Variants in KIF22 observed in about 807,000 individuals in gnomAD.
The protein encoded by KIF22 is kinesin family member 22.
KIF22 carries 62 observed loss-of-function variants against 73.0 expected under a neutral mutation model. The ratio of observed to expected loss-of-function variants is 0.85; its 90% CI spans 0.69 to 1.05. The LOEUF is 1.05. Ranked by LOEUF, KIF22 falls within the 50% of genes least tolerant of loss-of-function variation. KIF22 has a pLI of 0.00. For synonymous variants in KIF22, 411 were observed against 340.1 expected, an observed-to-expected ratio of 1.21 and a Z score of -2.29; for missense variants, 854 against 870.1, an observed-to-expected ratio of 0.98 and a Z score of 0.23.
chr16:29,799,260 C>G lies in KIF22; in HGVS notation c.760-4C>G, dbSNP rs1228053012. ...AAGCACGAGACCTTTGTTCTTACCC[C>G]CAGGTGGACCAGCGGGAACGTTTGG... On this transcript the variant is annotated splice_polypyrimidine_tract_variant and splice_region_variant and intron_variant, in intron 5 of 13. Coordinates refer to ENST00000160827, the MANE Select transcript of KIF22 (RefSeq NM_007317.3). The G allele has an allele frequency of 1.2e-6, 2 of 1,613,026 alleles. No individual in the cohort carries two copies. The highest frequency in any genetic ancestry group is 1.7e-6 in the Non-Finnish European group (2 of 1,179,490).
intron 1 of KIF22, chr16:29,791,234 A>T: frequency 2.8e-6 from 3 of 1,067,090 alleles, no homozygotes; most frequent in Non-Finnish European, 3.4e-6. Context: ...GTGTATTGGG[A>T]AGGGTTCTGT....
chr16:29,798,107 A>G lies in KIF22; in HGVS notation c.267-267A>G, dbSNP rs925811637. On this transcript the variant is annotated intron_variant, in intron 2 of 13. Coordinates refer to ENST00000160827, the MANE Select transcript of KIF22 (RefSeq NM_007317.3). This position sits in a 1 kb window ranked among gnomAD's most constrained non-coding sequence, Gnocchi z 4.1. The stretch of plus-strand genomic sequence containing the variant: ...AAATCACAGCAAAGTGTGGATATCT[A>G]TCCTACCAGACTGAAAAACTCCAAG... Among the ~76,000 whole-genome samples, 2 of 152,154 alleles carry G rather than the reference A, an allele frequency of 1.3e-5. No homozygotes were observed. Among genetic ancestry groups the G allele is most frequent in the Non-Finnish European group, 2.9e-5 (2 of 68,036 alleles).
chr16:29,795,249 G>T (rs926997376), intron 1 of KIF22, among the ~76,000 whole-genome samples: 3 of 152,204 alleles, frequency 2.0e-5, no homozygotes, highest in Non-Finnish European at 2.9e-5. Flanking sequence ...AGAACTAGAT[G>T]TCCAAGCGCT....
rs1384193679 is a variant in KIF22 at position 29,796,941 on chromosome 16, C to T, written c.119C>T (p.Pro40Leu). Residue 40 changes from proline to leucine, a missense_variant, in exon 2 of 14, where the codon CCT becomes CTT. Physicochemically the swap from Pro to Leu is moderately conservative, Grantham distance 98 (BLOSUM62 -3). This residue lies in a region of KIF22 where 186 missense variants were observed against 152.9 expected (regional missense o/e 1.22). Transcript: ENST00000160827. ...AAGATTGGAGCTACTCGTCGTCCAC[C>T]TCCAGCTCGCGTAAGGGTGGCTGTG... ...LSKIGATRRP[P>L]PARVRVAVRL... The T allele has an allele frequency of 1.2e-6, 2 of 1,614,120 alleles. No homozygotes were observed. Among genetic ancestry groups the T allele is most frequent in the African/African-American group, 1.3e-5 (1 of 75,040 alleles).
At chr16:29,792,719 G>T (rs1476652453) in intron 1 of KIF22, among the ~76,000 whole-genome samples, 1 of 152,202 alleles carries the variant, frequency 6.6e-6, no homozygotes, top group East Asian at 1.9e-4. Flanking sequence ...TCACTCCAGG[G>T]TGGGGTGGGG....
chr16:29,801,269 C>T (rs1041747445), intron 8 of KIF22, among the ~76,000 whole-genome samples: 1 of 152,184 alleles, frequency 6.6e-6, no homozygotes. Context: ...CTGTGTCTGG[C>T]CACTTAGCCC....
At chr16:29,794,261 T>C (rs1898894750) in intron 1 of KIF22, among the ~76,000 whole-genome samples, 1 of 152,212 alleles carries the variant, frequency 6.6e-6, no homozygotes, top group East Asian at 1.9e-4. Context: ...CCCTCTATAC[T>C]GAGGTTTCCT....
chr16:29,798,898 C>A lies in KIF22; in HGVS notation c.550-77C>A. 6.4e-7 allele frequency: 1 copy of A among 1,556,614 alleles called. No homozygotes were observed. Among genetic ancestry groups the A allele is most frequent in the Non-Finnish European group, 8.8e-7 (1 of 1,130,224 alleles). ...AGATGGTACAACTCCGAGAATAGAACAGAGAAAGGAAACTGATCCCCAGGA... is the reference window on the plus strand; with the variant it reads ...AGATGGTACAACTCCGAGAATAGAAAAGAGAAAGGAAACTGATCCCCAGGA... On this transcript the variant is annotated intron_variant, in intron 4 of 13. Coordinates refer to ENST00000160827, the MANE Select transcript of KIF22 (RefSeq NM_007317.3). The surrounding 1 kb of genome is among the most constrained non-coding windows in gnomAD (Gnocchi z 4.1).
At position 29,797,859 on chromosome 16, in the gene KIF22, G is replaced by A. The variant is rs1042558575; in HGVS notation, c.267-515G>A. The stretch of plus-strand genomic sequence containing the variant: ...TTCTCCACCAGAACGCAGTGGATAG[G>A]TGATTGGTATGTAGAGTCTAGTTCA... On this transcript the variant is annotated intron_variant, in intron 2 of 13. Coordinates refer to ENST00000160827, the MANE Select transcript of KIF22 (RefSeq NM_007317.3). This position sits in a 1 kb window ranked among gnomAD's most constrained non-coding sequence, Gnocchi z 4.1. Among the ~76,000 whole-genome samples, 3 of 152,158 alleles carry A rather than the reference G, an allele frequency of 2.0e-5. No individual in the cohort carries two copies. Among genetic ancestry groups the A allele is most frequent in the Admixed American group, 1.3e-4 (2 of 15,264 alleles).
intron 7 of KIF22, 32 bp downstream of exon 7, chr16:29,799,813 C>T (rs1899072439): frequency 1.9e-6 from 3 of 1,613,554 alleles, no homozygotes; most frequent in Admixed American, 1.7e-5. Context: ...AGTGGAAACG[C>T]TGGGTCTGGA....
chr16:29,798,899 A>C lies in KIF22; in HGVS notation c.550-76A>C. ...GATGGTACAACTCCGAGAATAGAAC[A>C]GAGAAAGGAAACTGATCCCCAGGAA... is the stretch of plus-strand genomic sequence containing the variant. On this transcript the variant is annotated intron_variant, in intron 4 of 13. Coordinates refer to ENST00000160827, the MANE Select transcript of KIF22 (RefSeq NM_007317.3). This position sits in a 1 kb window ranked among gnomAD's most constrained non-coding sequence, Gnocchi z 4.1. 1 of 1,560,242 alleles carries C rather than the reference A, an allele frequency of 6.4e-7. No individual in the cohort carries two copies. Among genetic ancestry groups the C allele is most frequent in the Non-Finnish European group, 8.8e-7 (1 of 1,133,178 alleles).
Position 29,802,790 on chromosome 16 carries a change from CA to C in KIF22, c.1303del (p.Met435TrpfsTer27). On this transcript the variant is annotated frameshift_variant, in exon 9 of 14. Transcript: ENST00000160827. LOFTEE classifies it high-confidence loss of function. ...TCAGCCCCCTACAGAAGCTAAGCAGCATGGACCCGGCCATGCTGGAGCGCCT... is the reference window on the plus strand; with the variant it reads ...TCAGCCCCCTACAGAAGCTAAGCAGCTGGACCCGGCCATGCTGGAGCGCCT... Reference protein sequence around the residue: ...KLSPLQKLSSMDPAMLERLLS... With the variant: ...KLSPLQKLSSXDPAMLERLLS... The C allele has an allele frequency of 1.3e-6, 2 of 1,593,554 alleles. No individual in the cohort carries two copies. The highest frequency in any genetic ancestry group is 2.7e-5 in the African/African-American group (2 of 73,490).
chr16:29,804,664 A>T lies in KIF22; in HGVS notation c.1678-150A>T, dbSNP rs555207050. Reference sequence around the variant, plus strand: ...TTGCATAATAAGAATTAACCCAGAGAGTGACCTGAGGGCGGGATTTTGGAC... The same window carrying T: ...TTGCATAATAAGAATTAACCCAGAGTGTGACCTGAGGGCGGGATTTTGGAC... On this transcript the variant is annotated intron_variant, in intron 11 of 13. Coordinates refer to ENST00000160827, the MANE Select transcript of KIF22 (RefSeq NM_007317.3). 9.7e-5 allele frequency: 69 copies of T among 711,430 alleles called. No homozygotes were observed. The African/African-American group carries it at 1.2e-3, about 12-fold the overall frequency. The allele number at this position is 711,430 out of a possible 1,614,324, so 44.1% of individuals were successfully genotyped here. A position where few individuals can be genotyped will look rare whatever the true frequency, so the allele number is the denominator to read the frequency against.
At chr16:29,794,986 T>G (rs1898913099) in intron 1 of KIF22, among the ~76,000 whole-genome samples, 1 of 152,042 alleles carries the variant, frequency 6.6e-6, no homozygotes, top group South Asian at 2.1e-4. Context: ...AGTCCACTTC[T>G]GTCTGACCAG....
Position 29,798,260 on chromosome 16 carries a change from A to C in KIF22, c.267-114A>C. The C allele has an allele frequency of 6.7e-7, 1 of 1,503,174 alleles. No individual in the cohort carries two copies. Among genetic ancestry groups the C allele is most frequent in the Non-Finnish European group, 8.8e-7 (1 of 1,132,646 alleles). 93.1% of individuals were successfully genotyped at this position (1,503,174 alleles called of 1,614,324 possible). On this transcript the variant is annotated intron_variant, in intron 2 of 13. Coordinates refer to ENST00000160827, the MANE Select transcript of KIF22 (RefSeq NM_007317.3). The surrounding 1 kb of genome is among the most constrained non-coding windows in gnomAD (Gnocchi z 4.1). ...GGGATAGAGACGTTCTCTTAAATCC[A>C]AGGTCCAGATGAGAGTAGAATCCCT...
chr16:29,804,112 G>C, intron 11 of KIF22, 47 bp downstream of exon 11: 1 of 1,477,222 alleles, frequency 6.8e-7, no homozygotes, highest in Non-Finnish European at 9.5e-7. Flanking sequence ...CCAGAAGTAA[G>C]GGGGAGTAGG....
intron 1 of KIF22, among the ~76,000 whole-genome samples, chr16:29,794,627 G>A (rs181038786): frequency 6.6e-6 from 1 of 152,044 alleles, no homozygotes; most frequent in African/African-American, 2.4e-5. Flanking sequence ...TGTCACCCAG[G>A]CTGGAGTGCA....
intron 1 of KIF22, chr16:29,792,526 A>G: frequency 4.5e-6 from 2 of 445,932 alleles, no homozygotes; most frequent in Non-Finnish European, 5.9e-6. Context: ...TGAGCAGGAT[A>G]AAACTTGTTC....
rs1899034636 is a variant in KIF22, at chr16:29,799,088, T to C, written c.663T>C (p.Phe221=). The C allele has an allele frequency of 1.9e-6, 3 of 1,614,204 alleles. No homozygotes were observed. In the East Asian group the frequency reaches 6.7e-5, roughly 36 times the overall value. Residue 221 remains phenylalanine, a synonymous_variant, in exon 5 of 14, where the codon TTT becomes TTC. Coordinates refer to ENST00000160827, the MANE Select transcript of KIF22 (RefSeq NM_007317.3). ...SQKPISSFAD[F]ERHFLPASRN... The stretch of plus-strand genomic sequence containing the variant: ...AGCCCATCAGTAGCTTTGCTGATTT[T>C]GAGCGGCACTTCCTGCCAGCCAGTC...
Sources: allele counts gnomAD v4.1 joint callset (sites outside exome capture counted in the v4.1 genomes callset), GRCh38; gene constraint gnomAD v4.1.1; regional missense constraint gnomAD v4.1.1; non-coding constraint Gnocchi (gnomAD v3.1); transcripts MANE v1.5; gene names NCBI Gene and HGNC (gene_info 2026-07-23, HGNC 2026-07-21).